PRDM2: variants seen among roughly 807,000 people sequenced by gnomAD.
PRDM2 encodes PR/SET domain 2.
Under a neutral mutation model 130.0 loss-of-function variants are expected in PRDM2, and 30 were observed. The ratio of observed to expected loss-of-function variants is 0.23; its 90% CI spans 0.17 to 0.31. The LOEUF is 0.31. Ranked by LOEUF, PRDM2 falls within the 10% of genes least tolerant of loss-of-function variation. The probability of loss-of-function intolerance (pLI) is 1.00; values close to 1 mark genes in which losing one functional copy is unlikely to be tolerated. For missense variants in PRDM2, 2,011 were observed against 2,108.4 expected (o/e 0.95, Z 0.90); for synonymous variants, 871 against 782.4 (o/e 1.11, Z -1.89).
Position 13,768,044 on chromosome 1 carries a change from G to A in PRDM2, c.512-5034G>A, listed in dbSNP as rs555163881. Among the ~76,000 whole-genome samples, 44 of 148,840 alleles carry A rather than the reference G, an allele frequency of 3.0e-4. No homozygotes were observed. In the South Asian group the frequency reaches 9.0e-3, roughly 30 times the overall value. ...TGATATTAAGAAGTAACTATTAAGA[G>A]AAAGAACATTTTTAACATTTTGTCC... On this transcript the variant is annotated intron_variant, in intron 6 of 9. Coordinates refer to ENST00000311066, the MANE Select transcript of PRDM2 (RefSeq NM_001393986.1).
chr1:13,791,542 T>C (rs1354151471), intron 8 of PRDM2, among the ~76,000 whole-genome samples: 1 of 152,132 alleles, frequency 6.6e-6, no homozygotes, highest in Non-Finnish European at 1.5e-5. Context: ...AAAAAGAAAG[T>C]TGGTCTAGGC....
chr1:13,724,362 TAA>T (rs1312313886), intron 2 of PRDM2, among the ~76,000 whole-genome samples: 2 of 152,332 alleles, frequency 1.3e-5, no homozygotes, highest in East Asian at 3.9e-4. Flanking sequence ...CTTCAAATGA[TAA>T]AGACTCTTGT....
intron 5 of PRDM2, among the ~76,000 whole-genome samples, chr1:13,747,951 C>T (rs1472598423): frequency 6.6e-6 from 1 of 152,126 alleles, no homozygotes; most frequent in Non-Finnish European, 1.5e-5. Context: ...AAAACGTTTC[C>T]ACATTCAGTT....
In PRDM2 at chr1:13,803,585, C is replaced by G. The variant is rs942894108; in HGVS notation, c.5037-12842C>G. On this transcript the variant is annotated intron_variant, in intron 8 of 9. Coordinates refer to ENST00000311066, the MANE Select transcript of PRDM2 (RefSeq NM_001393986.1). This position sits in a 1 kb window ranked among gnomAD's most constrained non-coding sequence, Gnocchi z 6.2. ...CCTGGAGTATGACTGTGAGCGAGTG[C>G]CTTGCTCGCTCTCCTCGGTTTCCTC... Among the ~76,000 whole-genome samples the G allele has an allele frequency of 5.9e-5, 9 of 152,180 alleles. No homozygotes were observed. Among genetic ancestry groups the G allele is most frequent in the African/African-American group, 1.9e-4 (8 of 41,430 alleles).
chr1:13,800,082 T>C (rs551329747), intron 8 of PRDM2, among the ~76,000 whole-genome samples: 69 of 152,064 alleles, frequency 4.5e-4, no homozygotes, highest in African/African-American at 1.5e-3. Context: ...CATTCATTCA[T>C]TCATTCATAA....
chr1:13,753,415 C>T (rs1643882918), intron 6 of PRDM2, among the ~76,000 whole-genome samples: 1 of 152,204 alleles, frequency 6.6e-6, no homozygotes, highest in Non-Finnish European at 1.5e-5. Context: ...CACCACAGAA[C>T]AGTTAAATTA....
At chr1:13,729,796 C>T (rs1289904987) in intron 2 of PRDM2, among the ~76,000 whole-genome samples, 1 of 152,160 alleles carries the variant, frequency 6.6e-6, no homozygotes, top group Non-Finnish European at 1.5e-5. Context: ...GAGAGACAAA[C>T]CTGTCTCTAG....
At chr1:13,769,682 C>A (rs1644314372) in intron 6 of PRDM2, among the ~76,000 whole-genome samples, 1 of 152,170 alleles carries the variant, frequency 6.6e-6, no homozygotes, top group Non-Finnish European at 1.5e-5. Context: ...GACTCATTTC[C>A]TTGATAAACT....
chr1:13,749,230 C>G, intron 5 of PRDM2, 131 bp from the exon 6 acceptor site: 2 of 875,326 alleles, frequency 2.3e-6, no homozygotes, highest in Non-Finnish European at 2.8e-6. Flanking sequence ...TCCTGCCGGC[C>G]GGGTGCGCGC....
At chr1:13,789,893 C>T (rs1414595961) in intron 8 of PRDM2, among the ~76,000 whole-genome samples, 2 of 152,254 alleles carry the variant, frequency 1.3e-5, no homozygotes, top group Non-Finnish European at 2.9e-5. Context: ...CTCTCATGGC[C>T]TCTTTCCTGC....
intron 8 of PRDM2, among the ~76,000 whole-genome samples, chr1:13,810,740 C>T (rs1048823787): frequency 4.6e-5 from 7 of 151,990 alleles, no homozygotes; most frequent in African/African-American, 1.4e-4. Context: ...GTGATCCGCC[C>T]GCCTCGGCCT....
At chr1:13,811,413 T>C (rs2744689) in intron 8 of PRDM2, among the ~76,000 whole-genome samples, 132,378 of 152,174 alleles carry the variant, frequency 0.87, 57,831 homozygotes, top group African/African-American at 0.95. Flanking sequence ...GGCATCCCCT[T>C]GTAACTGGAG....
rs1409179904 is a variant in PRDM2, at chr1:13,780,599, C to T, written c.2804C>T (p.Ala935Val). 6.2e-7 allele frequency: 1 copy of T among 1,613,962 alleles called. No individual in the cohort carries two copies. Among genetic ancestry groups the T allele is most frequent in the African/African-American group, 1.3e-5 (1 of 74,880 alleles). Residue 935 changes from alanine (A) to valine (V), a missense_variant, in exon 8 of 10, where the codon GCC becomes GTC. Ala to Val is a moderately conservative substitution (Grantham distance 64). Coordinates refer to ENST00000311066, the MANE Select transcript of PRDM2 (RefSeq NM_001393986.1). Reference protein sequence around the residue: ...PDLGPGSGFPAPTVESTPDVC... With the variant: ...PDLGPGSGFPVPTVESTPDVC... ...CTCGGTCCGGGCTCTGGTTTCCCTG[C>T]CCCTACTGTTGAGTCCACACCTGAT...
chr1:13,773,226 G>GT (rs771318842), intron 7 of PRDM2, 38 bp downstream of exon 7: 115 of 1,178,228 alleles, frequency 9.8e-5, no homozygotes, highest in Non-Finnish European at 1.3e-4. Flanking sequence ...AATTGGGTGT[G>GT]TATGTACCCA....
At chr1:13,769,703 G>A (rs1164911247) in intron 6 of PRDM2, among the ~76,000 whole-genome samples, 1 of 152,130 alleles carries the variant, frequency 6.6e-6, no homozygotes, top group Non-Finnish European at 1.5e-5. Flanking sequence ...AAGTGTGTTG[G>A]TATTCACCAA....
intron 8 of PRDM2, among the ~76,000 whole-genome samples, chr1:13,810,997 A>AG (rs1330513824): frequency 1.3e-5 from 2 of 151,526 alleles, no homozygotes; most frequent in Non-Finnish European, 2.9e-5. Flanking sequence ...CAGCCTGGCC[A>AG]ACATGGTGAA....
At chr1:13,715,777 G>C (rs187290085) in intron 2 of PRDM2, among the ~76,000 whole-genome samples, 163 bp downstream of exon 2, 22 of 152,192 alleles carry the variant, frequency 1.4e-4, no homozygotes, top group Admixed American at 1.1e-3. Context: ...GCATTTGTTC[G>C]TGCAGTGGAA....
intron 5 of PRDM2, among the ~76,000 whole-genome samples, chr1:13,744,429 A>G (rs150925262): frequency 1.5e-3 from 221 of 152,302 alleles, no homozygotes; most frequent in African/African-American, 5.0e-3. Flanking sequence ...GCACCTAGTA[A>G]GTGCTTATAC....
chr1:13,751,912 A>T (rs372841743), intron 6 of PRDM2, among the ~76,000 whole-genome samples: 24 of 152,024 alleles, frequency 1.6e-4, no homozygotes, highest in African/African-American at 5.3e-4. Flanking sequence ...ATTTCTTTAT[A>T]TACAAAGTAG....
Sources: allele counts gnomAD v4.1 joint callset (sites outside exome capture counted in the v4.1 genomes callset), GRCh38; gene constraint gnomAD v4.1.1; non-coding constraint Gnocchi (gnomAD v3.1); transcripts MANE v1.5; gene names NCBI Gene and HGNC (gene_info 2026-07-23, HGNC 2026-07-21).